Variants in SMAD6 observed in about 807,000 individuals in gnomAD.
The protein encoded by SMAD6 is SMAD family member 6, also known as MAD homolog 6.
A neutral mutation model predicts 39.4 loss-of-function variants in SMAD6; 103 were observed. The observed-to-expected ratio is 2.62, with a 90% CI of 2.23 to 3.08. SMAD6 has a LOEUF of 3.08. Ranked by LOEUF, SMAD6 falls within the 30% of genes most tolerant of loss-of-function variation. The probability of loss-of-function intolerance (pLI) is 0.00; values close to 1 mark genes in which losing one functional copy is unlikely to be tolerated. For missense variants in SMAD6, 1,104 were observed against 742.9 expected (o/e 1.49, Z -5.65); for synonymous variants, 445 against 353.3 (o/e 1.26, Z -2.91).
chr15:66,739,472 C>A (rs534691940), intron 3 of SMAD6, among the ~76,000 whole-genome samples: 1 of 152,210 alleles, frequency 6.6e-6, no homozygotes, highest in Non-Finnish European at 1.5e-5. Context: ...TCAAGAGCCA[C>A]TCAGGGACTG....
chr15:66,752,632 T>A (rs975744204), intron 3 of SMAD6, among the ~76,000 whole-genome samples: 14 of 151,000 alleles, frequency 9.3e-5, no homozygotes, highest in Middle Eastern at 3.4e-3. Context: ...AAAAAAAAAA[T>A]AATAATTAAA....
chr15:66,758,599 G>C (rs953088824), intron 3 of SMAD6, among the ~76,000 whole-genome samples: 1 of 152,084 alleles, frequency 6.6e-6, no homozygotes, highest in Non-Finnish European at 1.5e-5. Context: ...ACGGTTGCAG[G>C]CATGTATAGT....
chr15:66,716,297 C>A, intron 2 of SMAD6, 124 bp from the exon 3 acceptor site: 3 of 712,428 alleles, frequency 4.2e-6, no homozygotes, highest in South Asian at 1.6e-5. Context: ...TTGGGAGGGA[C>A]ATGCTGCCCT....
At chr15:66,758,625 G>A (rs1859128463) in intron 3 of SMAD6, among the ~76,000 whole-genome samples, 1 of 152,142 alleles carries the variant, frequency 6.6e-6, no homozygotes, top group Non-Finnish European at 1.5e-5. Context: ...GTACTCGGGA[G>A]GCTGAGGCAG....
chr15:66,757,198 G>A lies in SMAD6; in HGVS notation c.953-23799G>A, dbSNP rs147180917. Among the ~76,000 whole-genome samples the A allele has an allele frequency of 7.3e-3, 1,113 of 152,246 alleles. 3 individuals carry two copies. Among genetic ancestry groups the A allele is most frequent in the South Asian group, 0.022 (104 of 4,824 alleles). On this transcript the variant is annotated intron_variant, in intron 3 of 3. Transcript: ENST00000288840. ...GTGAGACACGCAAAACACAGCAGAC[G>A]TCCAGGGAACAAAACTTCCTCACCA...
In SMAD6 at chr15:66,711,656, C is replaced by T. The variant is rs763553771; in HGVS notation, c.818-12C>T. On this transcript the variant is annotated splice_polypyrimidine_tract_variant and intron_variant, in intron 1 of 3. Coordinates refer to ENST00000288840, the MANE Select transcript of SMAD6 (RefSeq NM_005585.5). ...CAACCCTGGCAGTGACATGCTGTCT[C>T]CTGTCTTCCAGAATCTCCGCCACCT... The T allele has an allele frequency of 2.0e-5, 32 of 1,612,314 alleles. No homozygotes were observed. The highest frequency in any genetic ancestry group is 2.7e-5 in the Non-Finnish European group (32 of 1,178,530).
chr15:66,768,322 C>A (rs1340544384), intron 3 of SMAD6, among the ~76,000 whole-genome samples: 1 of 152,078 alleles, frequency 6.6e-6, no homozygotes, highest in Non-Finnish European at 1.5e-5. Flanking sequence ...CAAAGGTCAC[C>A]TGATTCTGTC....
chr15:66,739,549 G>A (rs1000659314), intron 3 of SMAD6, among the ~76,000 whole-genome samples: 6 of 152,198 alleles, frequency 3.9e-5, no homozygotes, highest in African/African-American at 9.7e-5. Context: ...GAGGGGGCAC[G>A]GGGCTGGCAG....
intron 3 of SMAD6, among the ~76,000 whole-genome samples, chr15:66,764,496 A>G (rs780313084): frequency 2.0e-5 from 3 of 152,168 alleles, no homozygotes; most frequent in Admixed American, 1.3e-4. Flanking sequence ...ATATGAAGAT[A>G]TGGGGCCAAG....
intron 3 of SMAD6, among the ~76,000 whole-genome samples, chr15:66,748,889 A>G (rs867432971): frequency 2.6e-5 from 4 of 152,222 alleles, no homozygotes; most frequent in African/African-American, 4.8e-5. Context: ...TCCTGGATCA[A>G]TCACCACCCC....
intron 1 of SMAD6, among the ~76,000 whole-genome samples, chr15:66,709,999 T>C (rs751190479): frequency 1.3e-4 from 20 of 152,344 alleles, no homozygotes; most frequent in Non-Finnish European, 2.6e-4. Context: ...GAGCGCGTTC[T>C]GTGCAGGTGG....
Position 66,780,021 on chromosome 15 carries a change from G to A in SMAD6, c.953-976G>A, listed in dbSNP as rs563349687. On this transcript the variant is annotated intron_variant, in intron 3 of 3. Transcript: ENST00000288840. ...ACTCCTCCAGACACACAGACGGCCCGAGTCAGTGACAAGGGATTTCAGTAA... is the reference window on the plus strand; with the variant it reads ...ACTCCTCCAGACACACAGACGGCCCAAGTCAGTGACAAGGGATTTCAGTAA... Among the ~76,000 whole-genome samples, 21 of 152,318 alleles carry A rather than the reference G, an allele frequency of 1.4e-4. No individual in the cohort carries two copies. In the South Asian group the frequency reaches 4.1e-3, roughly 30 times the overall value.
chr15:66,744,336 T>G (rs35283599), intron 3 of SMAD6, among the ~76,000 whole-genome samples: 1 of 152,022 alleles, frequency 6.6e-6, no homozygotes, highest in South Asian at 2.1e-4. Context: ...CATCTGGGAA[T>G]GCACTAAAGA....
At chr15:66,740,064 G>A (rs989735863) in intron 3 of SMAD6, among the ~76,000 whole-genome samples, 66 of 152,198 alleles carry the variant, frequency 4.3e-4, no homozygotes, top group African/African-American at 1.6e-3. Flanking sequence ...TCTGGTCTAT[G>A]GATCTACTAG....
intron 3 of SMAD6, among the ~76,000 whole-genome samples, chr15:66,717,792 T>A (rs925645204): frequency 1.3e-5 from 2 of 152,044 alleles, no homozygotes; most frequent in African/African-American, 4.8e-5. Context: ...GGGGTCCAGG[T>A]CTTCTGGGTC....
intron 3 of SMAD6, among the ~76,000 whole-genome samples, chr15:66,741,381 CTG>C (rs1245989552): frequency 6.6e-6 from 1 of 152,204 alleles, no homozygotes; most frequent in Non-Finnish European, 1.5e-5. Flanking sequence ...GGCTTCGCCT[CTG>C]TAGCAGACCC....
chr15:66,740,923 T>G (rs559641876), intron 3 of SMAD6: 3 of 152,292 alleles, frequency 2.0e-5, no homozygotes, highest in Admixed American at 6.5e-5. Flanking sequence ...GAAATGTCTT[T>G]GGAGATTTGG....
intron 3 of SMAD6, among the ~76,000 whole-genome samples, chr15:66,737,546 T>C (rs915650663): frequency 6.6e-6 from 1 of 152,074 alleles, no homozygotes; most frequent in Non-Finnish European, 1.5e-5. Context: ...AGGAAGGGTT[T>C]TGTTGGGTGA....
chr15:66,733,249 C>G (rs755701328), intron 3 of SMAD6, among the ~76,000 whole-genome samples: 9 of 151,922 alleles, frequency 5.9e-5, no homozygotes, highest in Non-Finnish European at 1.3e-4. Context: ...AGTCTTTTGT[C>G]TTTTTCAAAG....
Sources: allele counts gnomAD v4.1 joint callset (sites outside exome capture counted in the v4.1 genomes callset), GRCh38; gene constraint gnomAD v4.1.1; transcripts MANE v1.5; gene names NCBI Gene and HGNC (gene_info 2026-07-23, HGNC 2026-07-21).